SLC43A3: variants seen among roughly 807,000 people sequenced by gnomAD.
SLC43A3 encodes equilibrative nucleobase transporter 1.
In SLC43A3, 33 loss-of-function variants were observed where a neutral mutation model predicts 53.3. The observed-to-expected ratio is 0.62, with a 90% CI of 0.47 to 0.83. SLC43A3 has a LOEUF of 0.83. Ranked by LOEUF, SLC43A3 falls within the 40% of genes least tolerant of loss-of-function variation. The pLI is 0.00. For missense variants in SLC43A3, 530 were observed against 610.0 expected, an observed-to-expected ratio of 0.87 and a Z score of 1.38; for synonymous variants, 236 against 246.2, an observed-to-expected ratio of 0.96 and a Z score of 0.39.
chr11:57,425,575 G>A lies in SLC43A3; in HGVS notation c.280C>T (p.Arg94Trp), dbSNP rs201283478. The change falls in exon 4 of 14, where the codon CGG becomes TGG. Residue 94 changes from arginine (R) to tryptophan (W), a missense_variant. Arg to Trp is a moderately radical substitution (Grantham distance 101, BLOSUM62 -3). Coordinates refer to ENST00000395124, the MANE Select transcript of SLC43A3 (RefSeq NM_199329.3). ...AGGCGTGCCACGGTGGTCTTGAACC[G>A]GTCAAAGATGTAGCCAGTGGGGAAT... ...MTFPTGYIFD[R>W]FKTTVARLIA... 26 of 1,614,068 alleles carry A rather than the reference G, an allele frequency of 1.6e-5. No individual in the cohort carries two copies. Among genetic ancestry groups the A allele is most frequent in the Admixed American group, 3.3e-5 (2 of 60,010 alleles).
At chr11:57,418,609 T>C (rs903878169) in intron 7 of SLC43A3, among the ~76,000 whole-genome samples, 1 of 152,062 alleles carries the variant, frequency 6.6e-6, no homozygotes, top group Non-Finnish European at 1.5e-5. Context: ...GGTGAGAGGA[T>C]ATGATTACAT....
intron 7 of SLC43A3, among the ~76,000 whole-genome samples, chr11:57,420,576 T>G (rs1054460270): frequency 6.6e-6 from 1 of 152,212 alleles, no homozygotes; most frequent in African/African-American, 2.4e-5. Flanking sequence ...CTGCCCCTGC[T>G]GTACCCACTA....
intron 7 of SLC43A3, among the ~76,000 whole-genome samples, chr11:57,419,736 C>T (rs1942898963): frequency 6.6e-6 from 1 of 150,456 alleles, no homozygotes; most frequent in Non-Finnish European, 1.5e-5. Context: ...GCAGAGATTG[C>T]AGTGAGCCAA....
intron 6 of SLC43A3, 55 bp from the exon 7 acceptor site, chr11:57,421,119 C>T: frequency 7.2e-7 from 1 of 1,386,942 alleles, no homozygotes; most frequent in Non-Finnish European, 1.0e-6. Flanking sequence ...ACAGATACTT[C>T]CTGAGCACCC....
At chr11:57,415,302 C>T (rs774157715) in intron 9 of SLC43A3, 196 bp from the exon 10 acceptor site, 3 of 1,526,634 alleles carry the variant, frequency 2.0e-6, no homozygotes, top group South Asian at 2.4e-5. Flanking sequence ...GCTGGCCCTA[C>T]CACCTTGGAT....
chr11:57,426,135 A>T lies in SLC43A3; in HGVS notation c.38T>A (p.Leu13Gln). The T allele has an allele frequency of 6.2e-7, 1 of 1,614,240 alleles. No individual in the cohort carries two copies. Among genetic ancestry groups the T allele is most frequent in the South Asian group, 1.1e-5 (1 of 91,088 alleles). Reference sequence around the variant, plus strand: ...CAGGCATTCCAGCAGCCCAGTCAGCAGTGTGGCCACGTGCAGGGGCAGGCC... The same window carrying T: ...CAGGCATTCCAGCAGCCCAGTCAGCTGTGTGGCCACGTGCAGGGGCAGGCC... ...GQGLPLHVAT[L>Q]LTGLLECLGF... is the part of the protein sequence containing the mutation. The change falls in exon 3 of 14, where the codon CTG (leucine) becomes CAG (glutamine). Residue 13 changes from leucine (L) to glutamine (Q), a missense_variant. Leu to Gln is a moderately radical substitution (Grantham distance 113). Transcript: ENST00000395124.
At position 57,417,868 on chromosome 11, in the gene SLC43A3, A is replaced by G. The variant is rs1349402531; in HGVS notation, c.551T>C (p.Ile184Thr). Residue 184 changes from isoleucine (I) to threonine (T), a missense_variant, in exon 8 of 14, where the codon ATC becomes ACC. Transcript: ENST00000395124. ...LIIKLLYEKG[I>T]SLRASFIFIS... ...GAAGATGAAGGAGGCCCTGAGGCTG[A>G]TGCCTTTTTCATAAAGAAGCTGCAG... 5 of 1,614,072 alleles carry G rather than the reference A, an allele frequency of 3.1e-6. No homozygotes were observed. The Admixed American group carries it at 5.0e-5, about 16-fold the overall frequency.
chr11:57,415,165 G>T, intron 9 of SLC43A3, 59 bp from the exon 10 acceptor site: 1 of 1,583,424 alleles, frequency 6.3e-7, no homozygotes, highest in Non-Finnish European at 8.6e-7. Flanking sequence ...GGTAGGATGG[G>T]GAGTGTGGAG....
chr11:57,411,195 TG>T (rs935059196), intron 11 of SLC43A3, among the ~76,000 whole-genome samples: 20 of 152,124 alleles, frequency 1.3e-4, no homozygotes, highest in Non-Finnish European at 2.5e-4. Context: ...GTTTTACCTT[TG>T]GGAAAATGTA....
At chr11:57,409,619 T>A (rs1228777946) in intron 12 of SLC43A3, among the ~76,000 whole-genome samples, 1 of 152,154 alleles carries the variant, frequency 6.6e-6, no homozygotes, top group Non-Finnish European at 1.5e-5. Flanking sequence ...ACTAGAGTAC[T>A]AAGGGCACAA....
intron 13 of SLC43A3, chr11:57,408,159 A>G: frequency 5.3e-6 from 2 of 377,308 alleles, no homozygotes; most frequent in Non-Finnish European, 9.8e-6. Context: ...CGAGCATTCA[A>G]TGACATGTTC....
chr11:57,409,105 C>G (rs1244170798), intron 13 of SLC43A3, 70 bp downstream of exon 13: 1 of 1,540,732 alleles, frequency 6.5e-7, no homozygotes, highest in Non-Finnish European at 9.0e-7. Context: ...GCCATCACAG[C>G]CAGATTTGGG....
intron 11 of SLC43A3, 60 bp from the exon 12 acceptor site, chr11:57,410,181 A>C (rs1372673800): frequency 7.4e-7 from 1 of 1,359,616 alleles, no homozygotes; most frequent in Non-Finnish European, 9.9e-7. Flanking sequence ...AAGTCAGCGA[A>C]GGGCCAAGGA....
chr11:57,427,531 C>T (rs1469097022), upstream of SLC43A3: 1 of 152,182 alleles, frequency 6.6e-6, no homozygotes. Context: ...CATATTTTTC[C>T]TATTTGCTCA....
chr11:57,409,145 G>A, intron 13 of SLC43A3, 30 bp downstream of exon 13: 5 of 1,613,634 alleles, frequency 3.1e-6, no homozygotes, highest in Non-Finnish European at 4.2e-6. Flanking sequence ...CAGGCCTCCT[G>A]CCAGGGATCC....
intron 7 of SLC43A3, 47 bp downstream of exon 7, chr11:57,420,925 C>A: frequency 7.9e-7 from 1 of 1,260,816 alleles, no homozygotes; most frequent in South Asian, 1.2e-5. Flanking sequence ...AGACAAGTGT[C>A]TGGCATATAC....
At chr11:57,420,663 C>T (rs1017541800) in intron 7 of SLC43A3, among the ~76,000 whole-genome samples, 3 of 152,172 alleles carry the variant, frequency 2.0e-5, no homozygotes, top group Admixed American at 6.5e-5. Flanking sequence ...CCAGCCTCTA[C>T]CCAACACTGG....
upstream of SLC43A3, chr11:57,427,288 A>AC (rs1943234761): frequency 6.7e-6 from 1 of 150,198 alleles, no homozygotes. Context: ...TCCCTCTAGA[A>AC]CCCCCTAGAA....
At chr11:57,408,481 C>G (rs1230958067) in intron 13 of SLC43A3, 1 of 153,724 alleles carries the variant, frequency 6.5e-6, no homozygotes, top group Non-Finnish European at 1.4e-5. Context: ...ATGAGAGGAT[C>G]GCTTGAGTCC....
Sources: gnomAD v4.1 joint callset for allele counts (sites outside exome capture counted in the v4.1 genomes callset) on GRCh38, gnomAD v4.1.1 for gene constraint, MANE v1.5 for transcripts, NCBI Gene and HGNC (gene_info 2026-07-23, HGNC 2026-07-21) for gene names.